Variants in SEM1 observed in about 807,000 individuals in gnomAD.
SEM1 encodes SEM1 26S proteasome subunit, also known as 26S proteasome complex subunit SEM1.
Under a neutral mutation model 12.7 loss-of-function variants are expected in SEM1, and 3 were observed. The ratio of observed to expected loss-of-function variants is 0.24; its 90% CI spans 0.11 to 0.61. SEM1 has a LOEUF of 0.61. Among genes scored for constraint, SEM1 ranks in the 20% least tolerant of loss-of-function variants. SEM1 has a pLI of 0.88. For synonymous variants in SEM1, 30 were observed against 27.8 expected, an observed-to-expected ratio of 1.08 and a Z score of -0.25; for missense variants, 59 against 81.3, an observed-to-expected ratio of 0.73 and a Z score of 1.06.
chr7:96,602,425 C>T (rs1807223875), intron 2 of SEM1, among the ~76,000 whole-genome samples: 2 of 152,194 alleles, frequency 1.3e-5, no homozygotes, highest in South Asian at 2.1e-4. Flanking sequence ...TACCTCCACC[C>T]TCCCTAACCT....
intron 2 of SEM1, among the ~76,000 whole-genome samples, chr7:96,628,020 C>T (rs751587186): frequency 4.6e-5 from 7 of 152,104 alleles, no homozygotes; most frequent in South Asian, 2.1e-4. Context: ...CATTATACAG[C>T]GACCTTCTTT....
intron 1 of SEM1, among the ~76,000 whole-genome samples, chr7:96,486,862 C>A (rs1802790711): frequency 6.6e-6 from 1 of 152,190 alleles, no homozygotes; most frequent in South Asian, 2.1e-4. Context: ...GGTTCTCACA[C>A]CAAATATCCC....
intron 2 of SEM1, among the ~76,000 whole-genome samples, chr7:96,667,396 ATCAG>A (rs1328537280): frequency 6.6e-6 from 1 of 152,176 alleles, no homozygotes; most frequent in African/African-American, 2.4e-5. Context: ...CAGTTTTTCT[ATCAG>A]TCAAATGGGG....
In SEM1 at chr7:96,572,211, G is replaced by A. The variant is rs192355544; in HGVS notation, c.171-65513C>T. On this transcript the variant is annotated intron_variant and NMD_transcript_variant, in intron 2 of 3. Transcript: ENST00000466986. ...GTCTGGCTAACCATCTATCTGTTGT[G>A]TTAATCTTTTCAAAAAACCAGCTTC... is the stretch of plus-strand genomic sequence containing the variant. 5.2e-3 allele frequency among the ~76,000 whole-genome samples: 793 copies of A among 152,102 alleles called. 34 individuals carry two copies. Among genetic ancestry groups the A allele is most frequent in the Admixed American group, 0.047 (721 of 15,266 alleles).
At chr7:96,685,858 G>A (rs545465439), downstream of SEM1, among the ~76,000 whole-genome samples, 10 of 151,800 alleles carry the variant, frequency 6.6e-5, no homozygotes, top group Admixed American at 1.3e-4. Context: ...CAGCCCTGCA[G>A]GGATTCTTTC....
At chr7:96,709,219 C>G (rs1201395990) in intron 1 of SEM1, among the ~76,000 whole-genome samples, 1 of 152,148 alleles carries the variant, frequency 6.6e-6, no homozygotes, top group East Asian at 1.9e-4. Context: ...CCGTATCTTA[C>G]CCTCCTATCC....
At chr7:96,482,076 G>C (rs1216206025) in exon 4 of SEM1, 1 of 152,132 alleles carries the variant, frequency 6.6e-6, no homozygotes, top group Non-Finnish European at 1.5e-5. Context: ...GGTAAGTTTT[G>C]TTCTTCTCAT....
intron 2 of SEM1, among the ~76,000 whole-genome samples, chr7:96,508,898 A>G (rs1803839134): frequency 6.6e-6 from 1 of 152,166 alleles, no homozygotes; most frequent in South Asian, 2.1e-4. Flanking sequence ...TCTTTACTTG[A>G]TAACTCTAAA....
chr7:96,653,776 C>T (rs757025388), intron 2 of SEM1: 65 of 152,186 alleles, frequency 4.3e-4, no homozygotes, highest in African/African-American at 1.5e-3. Flanking sequence ...TGCTAGTAAG[C>T]GTTGGAACAA....
intron 2 of SEM1, among the ~76,000 whole-genome samples, chr7:96,557,899 C>T (rs546147208): frequency 1.3e-5 from 2 of 152,308 alleles, no homozygotes; most frequent in Non-Finnish European, 2.9e-5. Context: ...CGTGGTGAGC[C>T]GTTTTTTAAG....
At chr7:96,699,291 C>T (rs772711067) in intron 1 of SEM1, among the ~76,000 whole-genome samples, 3 of 152,174 alleles carry the variant, frequency 2.0e-5, no homozygotes, top group Non-Finnish European at 2.9e-5. Context: ...ATTTATTTCG[C>T]CCTTAGTCCT....
chr7:96,556,085 G>T (rs188734932), intron 2 of SEM1, among the ~76,000 whole-genome samples: 8 of 152,056 alleles, frequency 5.3e-5, no homozygotes, highest in Admixed American at 1.3e-4. Flanking sequence ...TATGGGTGTC[G>T]CTGCACGTGA....
At chr7:96,655,257 A>C (rs890248942) in intron 2 of SEM1, among the ~76,000 whole-genome samples, 1 of 152,174 alleles carries the variant, frequency 6.6e-6, no homozygotes, top group African/African-American at 2.4e-5. Flanking sequence ...CAGAAGTTAG[A>C]GGAGTCTTGA....
intron 2 of SEM1, among the ~76,000 whole-genome samples, chr7:96,517,562 C>G (rs534715549): frequency 1.3e-5 from 2 of 151,954 alleles, no homozygotes; most frequent in Non-Finnish European, 2.9e-5. Context: ...TAATCACTAG[C>G]GAGATGGGGA....
At chr7:96,655,297 T>C (rs950005653) in intron 2 of SEM1, among the ~76,000 whole-genome samples, 6 of 150,862 alleles carry the variant, frequency 4.0e-5, no homozygotes, top group Admixed American at 6.6e-5. Context: ...TCAAGTACCA[T>C]AGACTTCCAT....
chr7:96,628,091 T>A (rs1440636688), intron 2 of SEM1, among the ~76,000 whole-genome samples: 1 of 152,096 alleles, frequency 6.6e-6, no homozygotes, highest in African/African-American at 2.4e-5. Context: ...TTCTTACTCT[T>A]TTTTTGTTTC....
chr7:96,494,415 T>G (rs950914983), intron 1 of SEM1, among the ~76,000 whole-genome samples: 8 of 151,886 alleles, frequency 5.3e-5, no homozygotes, highest in African/African-American at 1.7e-4. Flanking sequence ...TCAAAGTAGC[T>G]TTTTGGTCCA....
chr7:96,521,942 A>G (rs1804286722), intron 2 of SEM1, among the ~76,000 whole-genome samples: 2 of 152,196 alleles, frequency 1.3e-5, no homozygotes, highest in Non-Finnish European at 2.9e-5. Flanking sequence ...CCCAAATTCA[A>G]GAACAAAATG....
intron 2 of SEM1, among the ~76,000 whole-genome samples, chr7:96,659,904 G>C (rs1326264526): frequency 2.1e-5 from 2 of 94,618 alleles, no homozygotes; most frequent in African/African-American, 4.7e-5. Context: ...AAGAAAGAAA[G>C]TAAGATGGCA....
Sources: gnomAD v4.1 joint callset for allele counts (sites outside exome capture counted in the v4.1 genomes callset) on GRCh38, gnomAD v4.1.1 for gene constraint, MANE v1.5 for transcripts, NCBI Gene and HGNC (gene_info 2026-07-23, HGNC 2026-07-21) for gene names.